The following FER1L6 variants were observed in gnomAD, a reference collection of about 807,000 sequenced individuals.
FER1L6 encodes the protein fer-1-like protein 6.
In FER1L6, 177 loss-of-function variants were observed where a neutral mutation model predicts 219.2. The ratio of observed to expected loss-of-function variants is 0.81; its 90% CI spans 0.71 to 0.91. The LOEUF (loss-of-function observed/expected upper bound fraction) is 0.91. Ranked by LOEUF, FER1L6 falls within the 40% of genes least tolerant of loss-of-function variation. The probability of loss-of-function intolerance (pLI) is 0.00; values close to 1 mark genes in which losing one functional copy is unlikely to be tolerated. For missense variants in FER1L6, 2,153 were observed against 2,259.9 expected (o/e 0.95, Z 0.96); for synonymous variants, 768 against 824.3 (o/e 0.93, Z 1.17).
chr8:123,976,692 C>T (rs956788464), intron 9 of FER1L6, among the ~76,000 whole-genome samples: 12 of 152,110 alleles, frequency 7.9e-5, no homozygotes, highest in East Asian at 7.7e-4. Context: ...TCCCCACATC[C>T]GGTAGAATTT....
At chr8:123,938,173 C>G (rs899091753) in intron 1 of FER1L6, among the ~76,000 whole-genome samples, 5 of 152,218 alleles carry the variant, frequency 3.3e-5, no homozygotes, top group Non-Finnish European at 1.5e-5. Flanking sequence ...GTTTAAGTCT[C>G]TTGACCCTAA....
At position 123,975,297 on chromosome 8, in the gene FER1L6, C is replaced by A. The variant is rs1816021102; in HGVS notation, c.674C>A (p.Pro225Gln). The A allele has an allele frequency of 3.1e-6, 5 of 1,607,848 alleles. No individual in the cohort carries two copies. The highest frequency in any genetic ancestry group is 2.5e-6 in the Non-Finnish European group (3 of 1,176,582). Residue 225 changes from proline (P) to glutamine (Q), a missense_variant, in exon 8 of 41, where the codon CCA becomes CAA. Pro to Gln is a moderately conservative substitution (Grantham distance 76, BLOSUM62 -1). Coordinates refer to ENST00000522917, the MANE Select transcript of FER1L6 (RefSeq NM_001039112.2). ...CCTAAAACTTCTGACACCGAGGAGC[C>A]AATAGAAAAGTAAGACAGGTCCATC... ...TSPKTSDTEE[P>Q]IEKNLLIPNG...
intron 20 of FER1L6, among the ~76,000 whole-genome samples, chr8:124,042,541 G>T (rs2130741664): frequency 6.6e-6 from 1 of 152,334 alleles, no homozygotes; most frequent in Non-Finnish European, 1.5e-5. Flanking sequence ...TCCAATTCCA[G>T]AGTCACTTTG....
intron 1 of FER1L6, among the ~76,000 whole-genome samples, chr8:123,890,590 A>C (rs1012080364): frequency 1.0e-4 from 15 of 150,700 alleles, no homozygotes; most frequent in Admixed American, 9.9e-4. Flanking sequence ...CAAGCCTGCA[A>C]AAATTGATAG....
At chr8:123,882,794 T>C (rs1002497694) in intron 1 of FER1L6, among the ~76,000 whole-genome samples, 2 of 152,166 alleles carry the variant, frequency 1.3e-5, no homozygotes, top group East Asian at 1.9e-4. Context: ...CATGATACTA[T>C]TGTGGTGGAC....
At position 124,091,354 on chromosome 8, in the gene FER1L6, A is replaced by T. The variant is rs542370417; in HGVS notation, c.4392-69A>T. ...GAATAGCAAGTTAAATCTGAAAGAA[A>T]CTGCACAGATCATACTGGGTGGTTC... On this transcript the variant is annotated intron_variant, in intron 33 of 40. Transcript: ENST00000522917. The T allele has an allele frequency of 2.1e-5, 27 of 1,298,842 alleles. No homozygotes were observed. The East Asian group carries it at 6.4e-4, about 31-fold the overall frequency. The allele number at this position is 1,298,842 out of a possible 1,614,324, so 80.5% of individuals were successfully genotyped here. A position where few individuals can be genotyped will look rare whatever the true frequency, so the allele number is the denominator to read the frequency against.
intron 31 of FER1L6, among the ~76,000 whole-genome samples, chr8:124,075,071 G>A (rs1821221769): frequency 1.3e-5 from 2 of 152,162 alleles, no homozygotes; most frequent in South Asian, 4.1e-4. Context: ...CTACTGTGGA[G>A]TTTAGAAACA....
intron 20 of FER1L6, 77 bp downstream of exon 20, chr8:124,040,083 C>T (rs1819416201): frequency 1.3e-6 from 2 of 1,580,172 alleles, no homozygotes; most frequent in Admixed American, 1.7e-5. Context: ...AGGAAAGAAA[C>T]AACGGGGGCA....
chr8:124,021,469 C>A (rs1046508601), intron 16 of FER1L6, 81 bp from the exon 17 acceptor site: 48 of 1,580,016 alleles, frequency 3.0e-5, no homozygotes, highest in Non-Finnish European at 4.0e-5. Flanking sequence ...TCACCAGGAC[C>A]TTCAGGTCTC....
chr8:124,114,895 GTATATATA>G lies in FER1L6; in HGVS notation c.5290-3917_5290-3910del, dbSNP rs71289637. On this transcript the variant is annotated intron_variant, in intron 39 of 40. Coordinates refer to ENST00000522917, the MANE Select transcript of FER1L6 (RefSeq NM_001039112.2). ...ACATATATATGCAGTGTGTGTGTGCGTATATATATATATATATATATATATATATATAT... is the reference window on the plus strand; with the variant it reads ...ACATATATATGCAGTGTGTGTGTGCGTATATATATATATATATATATATAT... Among the ~76,000 whole-genome samples, 868 of 90,048 alleles carry G rather than the reference GTATATATA, an allele frequency of 9.6e-3. 14 individuals carry two copies. Among genetic ancestry groups the G allele is most frequent in the East Asian group, 0.025 (69 of 2,794 alleles). The allele number at this position is 90,048 out of a possible 152,430, so 59.1% of individuals were successfully genotyped here. A position where few individuals can be genotyped will look rare whatever the true frequency, so the allele number is the denominator to read the frequency against.
At position 124,106,381 on chromosome 8, in the gene FER1L6, T is replaced by C. The variant is rs371680380; in HGVS notation, c.5289+3072T>C. On this transcript the variant is annotated intron_variant, in intron 39 of 40. Transcript: ENST00000522917. ...AAAAAACAGAGTGGACGTTATGATATATGAATTATATCTCAATTGTTTAAA... is the reference window on the plus strand; with the variant it reads ...AAAAAACAGAGTGGACGTTATGATACATGAATTATATCTCAATTGTTTAAA... Among the ~76,000 whole-genome samples the C allele has an allele frequency of 6.9e-5, 10 of 145,068 alleles. No individual in the cohort carries two copies. In the East Asian group the frequency reaches 1.2e-3, roughly 18 times the overall value.
chr8:124,043,971 C>T (rs1396378212), intron 20 of FER1L6, among the ~76,000 whole-genome samples: 3 of 152,214 alleles, frequency 2.0e-5, no homozygotes, highest in Non-Finnish European at 4.4e-5. Context: ...GTGTCTAATA[C>T]TGTGCCTAGC....
chr8:124,047,864 C>T (rs1247197751), intron 21 of FER1L6, among the ~76,000 whole-genome samples: 2 of 152,200 alleles, frequency 1.3e-5, no homozygotes, highest in Non-Finnish European at 2.9e-5. Context: ...CTGCTGGACC[C>T]ATGCTTCCAG....
At chr8:124,010,752 G>A in intron 14 of FER1L6, 38 bp downstream of exon 14, 1 of 1,606,314 alleles carries the variant, frequency 6.2e-7, no homozygotes, top group Non-Finnish European at 8.5e-7. Flanking sequence ...AGAGAATTGG[G>A]AAGCTGGTGG....
intron 9 of FER1L6, 47 bp downstream of exon 9, chr8:123,976,131 C>A: frequency 7.3e-7 from 1 of 1,367,072 alleles, no homozygotes; most frequent in Non-Finnish European, 1.0e-6. Flanking sequence ...CAGGGCCCTG[C>A]TCTCTATCCA....
chr8:124,037,347 A>G (rs540141549), intron 19 of FER1L6, among the ~76,000 whole-genome samples: 2 of 152,334 alleles, frequency 1.3e-5, no homozygotes, highest in Admixed American at 1.3e-4. Context: ...GGCCATCTCT[A>G]GAAACACTCC....
chr8:124,047,358 T>C (rs138088967), intron 21 of FER1L6, among the ~76,000 whole-genome samples: 1 of 152,316 alleles, frequency 6.6e-6, no homozygotes, highest in Non-Finnish European at 1.5e-5. Context: ...TACCTTTCTA[T>C]AGGATCATGA....
At chr8:124,036,045 A>G (rs1819193459) in intron 19 of FER1L6, 1 of 152,216 alleles carries the variant, frequency 6.6e-6, no homozygotes, top group Non-Finnish European at 1.5e-5. Flanking sequence ...TTTATTATAA[A>G]TATTCCTTAC....
chr8:124,057,242 TG>T, intron 22 of FER1L6, among the ~76,000 whole-genome samples: 1 of 152,316 alleles, frequency 6.6e-6, no homozygotes, highest in South Asian at 2.1e-4. Flanking sequence ...TTGTTTTGTT[TG>T]CCTGGGTTGG....
Sources: allele counts gnomAD v4.1 joint callset (sites outside exome capture counted in the v4.1 genomes callset), GRCh38; gene constraint gnomAD v4.1.1; transcripts MANE v1.5; gene names NCBI Gene and HGNC (gene_info 2026-07-23, HGNC 2026-07-21).